Variants in RAB7A observed in about 807,000 individuals in gnomAD.
RAB7A encodes the protein RAB7A, member RAS oncogene family.
A neutral mutation model predicts 24.5 loss-of-function variants in RAB7A; 2 were observed. The observed-to-expected ratio is 0.08, with a 90% CI of 0.03 to 0.26. RAB7A has a LOEUF of 0.26. Ranked by LOEUF, RAB7A falls within the 10% of genes least tolerant of loss-of-function variation. RAB7A has a pLI of 1.00. For synonymous variants in RAB7A, 100 were observed against 95.9 expected (o/e 1.04, Z -0.25); for missense variants, 118 against 255.7 (o/e 0.46, Z 3.67).
In RAB7A at chr3:128,779,238, A is replaced by G. The variant is rs988143201; in HGVS notation, c.-8-16122A>G. On this transcript the variant is annotated intron_variant, in intron 1 of 5. Coordinates refer to ENST00000265062, the MANE Select transcript of RAB7A (RefSeq NM_004637.6). ...AGACCAGCCTGGCCAACATGGTGAA[A>G]CCCCGTCTCTACTAAAAATACAAAA... Among the ~76,000 whole-genome samples the G allele has an allele frequency of 2.8e-4, 43 of 152,050 alleles. 1 individual carries two copies. Among genetic ancestry groups the G allele is most frequent in the Admixed American group, 1.3e-4 (2 of 15,258 alleles).
At chr3:128,803,632 G>A (rs958139593) in intron 3 of RAB7A, among the ~76,000 whole-genome samples, 1 of 152,218 alleles carries the variant, frequency 6.6e-6, no homozygotes, top group Non-Finnish European at 1.5e-5. Context: ...CTTGCATGGG[G>A]AGTGAAAAAC....
chr3:128,728,453 G>A lies in RAB7A; in HGVS notation c.-9+2094G>A, dbSNP rs548713166. 2.6e-5 allele frequency among the ~76,000 whole-genome samples: 4 copies of A among 152,144 alleles called. No homozygotes were observed. The South Asian group carries it at 8.3e-4, about 32-fold the overall frequency. On this transcript the variant is annotated intron_variant, in intron 1 of 5. Transcript: ENST00000265062. ...ACTTGTTTCTCCTTTTGCTCTAGTG[G>A]CATTTATTTTATTTTATTTATATTT...
intron 1 of RAB7A, among the ~76,000 whole-genome samples, chr3:128,742,076 C>T (rs1004108204): frequency 1.3e-5 from 2 of 152,106 alleles, no homozygotes; most frequent in South Asian, 2.1e-4. Context: ...TTCTGATGTT[C>T]GGACATGTTC....
intron 1 of RAB7A, among the ~76,000 whole-genome samples, chr3:128,741,639 T>C (rs2070555402): frequency 6.6e-6 from 1 of 151,956 alleles, no homozygotes; most frequent in South Asian, 2.1e-4. Context: ...CCACCTCCAC[T>C]TCCCAAAGTG....
chr3:128,745,319 A>G (rs1285341758), intron 1 of RAB7A, among the ~76,000 whole-genome samples: 3 of 152,090 alleles, frequency 2.0e-5, no homozygotes, highest in Non-Finnish European at 1.5e-5. Context: ...CTGGAGTTTC[A>G]GTTGTACTGT....
chr3:128,766,156 C>T (rs1332701541), intron 1 of RAB7A, among the ~76,000 whole-genome samples: 2 of 152,166 alleles, frequency 1.3e-5, no homozygotes, highest in Non-Finnish European at 2.9e-5. Flanking sequence ...AGCCCCTCTA[C>T]TTAGATGTAC....
At chr3:128,738,792 A>G (rs1162891450) in intron 1 of RAB7A, among the ~76,000 whole-genome samples, 1 of 152,232 alleles carries the variant, frequency 6.6e-6, no homozygotes, top group East Asian at 1.9e-4. Context: ...GGCTTTTGAT[A>G]GATACATGTA....
At chr3:128,752,311 G>GA (rs1333672062) in intron 1 of RAB7A, among the ~76,000 whole-genome samples, 1 of 150,572 alleles carries the variant, frequency 6.6e-6, no homozygotes, top group African/African-American at 2.4e-5. Flanking sequence ...AATAAAAAAT[G>GA]AAAAAATGAG....
intron 1 of RAB7A, among the ~76,000 whole-genome samples, chr3:128,775,710 C>G (rs546005157): frequency 6.6e-6 from 1 of 152,268 alleles, no homozygotes; most frequent in Non-Finnish European, 1.5e-5. Flanking sequence ...GAATATAAAT[C>G]TAGCCCCATG....
intron 2 of RAB7A, among the ~76,000 whole-genome samples, chr3:128,796,245 C>G (rs1159107082): frequency 6.6e-6 from 1 of 152,004 alleles, no homozygotes; most frequent in Non-Finnish European, 1.5e-5. Context: ...AATCCCAGTG[C>G]TTTGGAGGCT....
At chr3:128,791,653 A>G (rs1198395564) in intron 1 of RAB7A, among the ~76,000 whole-genome samples, 2 of 152,190 alleles carry the variant, frequency 1.3e-5, no homozygotes, top group African/African-American at 4.8e-5. Flanking sequence ...TTGGATGGGA[A>G]AGAGCCATGG....
At chr3:128,731,274 C>G (rs930237230) in intron 1 of RAB7A, among the ~76,000 whole-genome samples, 4 of 152,024 alleles carry the variant, frequency 2.6e-5, no homozygotes, top group Admixed American at 1.3e-4. Flanking sequence ...CTTAAATAAC[C>G]AAGCATAGAC....
At chr3:128,751,970 C>A (rs1267978423) in intron 1 of RAB7A, among the ~76,000 whole-genome samples, 1 of 152,202 alleles carries the variant, frequency 6.6e-6, no homozygotes, top group Non-Finnish European at 1.5e-5. Flanking sequence ...TGCCTGCCAC[C>A]ATACATAAGA....
At chr3:128,810,360 T>G (rs1186235681) in intron 5 of RAB7A, among the ~76,000 whole-genome samples, 2 of 152,144 alleles carry the variant, frequency 1.3e-5, no homozygotes. Flanking sequence ...AAGCCCACTG[T>G]TTTTTCCTCA....
At chr3:128,795,567 G>C in intron 2 of RAB7A, 147 bp downstream of exon 2, 2 of 765,390 alleles carry the variant, frequency 2.6e-6, no homozygotes, top group South Asian at 2.9e-5. Flanking sequence ...AAATTTAGAT[G>C]ATCCCTTGTT....
intron 1 of RAB7A, among the ~76,000 whole-genome samples, chr3:128,763,146 T>A (rs1414649905): frequency 6.7e-6 from 1 of 149,676 alleles, no homozygotes; most frequent in Non-Finnish European, 1.5e-5. Flanking sequence ...CACTCTTTCT[T>A]GTGAAGTGGA....
chr3:128,750,319 T>C (rs1033205679), intron 1 of RAB7A, among the ~76,000 whole-genome samples: 1 of 152,322 alleles, frequency 6.6e-6, no homozygotes, highest in South Asian at 2.1e-4. Flanking sequence ...TGGAGTGCCA[T>C]GATGCGATGT....
chr3:128,786,101 C>T (rs1425075890), intron 1 of RAB7A, among the ~76,000 whole-genome samples: 2 of 152,190 alleles, frequency 1.3e-5, no homozygotes, highest in Non-Finnish European at 2.9e-5. Flanking sequence ...CAAGTGACTC[C>T]TGATGAGCTT....
intron 1 of RAB7A, among the ~76,000 whole-genome samples, chr3:128,775,327 G>A (rs1489560140): frequency 1.3e-5 from 2 of 152,220 alleles, no homozygotes; most frequent in African/African-American, 4.8e-5. Context: ...TTGGTCAACT[G>A]TAGTTCAGTC....
Sources: gnomAD v4.1 joint callset for allele counts (sites outside exome capture counted in the v4.1 genomes callset) on GRCh38, gnomAD v4.1.1 for gene constraint, MANE v1.5 for transcripts, NCBI Gene and HGNC (gene_info 2026-07-23, HGNC 2026-07-21) for gene names.